The following FPR3 variants were observed in gnomAD, a reference collection of about 807,000 sequenced individuals.
FPR3 encodes the protein N-formyl peptide receptor 3.
For synonymous variants in FPR3, 135 were observed against 163.6 expected, an observed-to-expected ratio of 0.83 and a Z score of 1.34; for missense variants, 346 against 443.2, an observed-to-expected ratio of 0.78 and a Z score of 1.97.
intron 1 of FPR3, among the ~76,000 whole-genome samples, chr19:51,812,098 T>C (rs1362759302): frequency 6.6e-6 from 1 of 152,208 alleles, no homozygotes; most frequent in Non-Finnish European, 1.5e-5. Context: ...TGGAGGTAGG[T>C]TGCTCTAAAA....
intron 1 of FPR3, among the ~76,000 whole-genome samples, chr19:51,807,949 A>C (rs1171619482): frequency 1.3e-5 from 2 of 152,230 alleles, no homozygotes; most frequent in African/African-American, 4.8e-5. Context: ...GATAGAAAGA[A>C]CCATTCTATT....
chr19:51,801,833 TACTC>T (rs1177114282), intron 1 of FPR3, among the ~76,000 whole-genome samples: 2 of 152,212 alleles, frequency 1.3e-5, no homozygotes, highest in Non-Finnish European at 2.9e-5. Context: ...TAAATTTACT[TACTC>T]TACTCCCATA....
At chr19:51,820,511 A>G (rs2084180585) in intron 1 of FPR3, among the ~76,000 whole-genome samples, 1 of 152,174 alleles carries the variant, frequency 6.6e-6, no homozygotes, top group African/African-American at 2.4e-5. Flanking sequence ...ACTAGGGTGG[A>G]TCCAAAATTT....
intron 1 of FPR3, among the ~76,000 whole-genome samples, chr19:51,818,846 T>C (rs1406549521): frequency 6.6e-6 from 1 of 152,172 alleles, no homozygotes; most frequent in Admixed American, 6.6e-5. Flanking sequence ...GTGGAAGCCA[T>C]AGAAGAGTGC....
At chr19:51,820,648 G>A (rs1000325392) in intron 1 of FPR3, among the ~76,000 whole-genome samples, 1 of 152,234 alleles carries the variant, frequency 6.6e-6, no homozygotes. Context: ...GATATTTGGA[G>A]AGTGGTAGAG....
rs1325750254 is a variant in FPR3, at chr19:51,795,510, T to C, written c.-11+179T>C. 2.0e-4 allele frequency among the ~76,000 whole-genome samples: 20 copies of C among 101,086 alleles called. 2 individuals are homozygous for C. The highest frequency in any genetic ancestry group is 6.7e-4 in the African/African-American group (17 of 25,300). 66.3% of individuals were successfully genotyped at this position (101,086 alleles called of 152,430 possible). A position where few individuals can be genotyped will look rare whatever the true frequency, so the allele number is the denominator to read the frequency against. On this transcript the variant is annotated intron_variant, in intron 1 of 1. Transcript: ENST00000339223. ...TACATGTTCCAGTAACATTCTTTTT[T>C]TTTTTTTTTTTTTTTTTTTTTTTGA...
rs115207513 is a variant in FPR3, at chr19:51,802,350, A to T, written c.-11+7019A>T. The stretch of plus-strand genomic sequence containing the variant: ...TGCAGAGGTAGAGGTACAGGCAATG[A>T]GAGGAGGGGGTCAGGGATATTTTTT... On this transcript the variant is annotated intron_variant, in intron 1 of 1. Transcript: ENST00000339223. 9.8e-3 allele frequency among the ~76,000 whole-genome samples: 1,486 copies of T among 152,282 alleles called. 26 individuals carry two copies. The highest frequency in any genetic ancestry group is 0.034 in the African/African-American group (1,416 of 41,550).
intron 1 of FPR3, among the ~76,000 whole-genome samples, chr19:51,820,467 A>G (rs1444349420): frequency 6.6e-6 from 1 of 152,220 alleles, no homozygotes; most frequent in Non-Finnish European, 1.5e-5. Context: ...TACAGGTATC[A>G]TCTCTGGTCC....
In FPR3 at chr19:51,824,700, C is replaced by T; in HGVS notation, c.952C>T (p.Pro318Ser). Residue 318 changes from proline to serine, a missense_variant, in exon 2 of 2, where the codon CCC becomes TCC. By Grantham distance (74) the Pro-to-Ser change is moderately conservative. Coordinates refer to ENST00000339223, the MANE Select transcript of FPR3 (RefSeq NM_002030.5). This position sits in a 1 kb window ranked among gnomAD's most constrained non-coding sequence, Gnocchi z 4.7. ...CCAAGAAAGACTGATTCGCTCTTTG[C>T]CCACTAGTTTGGAGAGGGCCCTGAC... ...NFQERLIRSL[P>S]TSLERALTEV... is the part of the protein sequence containing the mutation. The T allele has an allele frequency of 1.2e-6, 2 of 1,614,084 alleles. No individual in the cohort carries two copies. Among genetic ancestry groups the T allele is most frequent in the South Asian group, 1.1e-5 (1 of 91,080 alleles).
intron 1 of FPR3, among the ~76,000 whole-genome samples, chr19:51,795,683 T>G: frequency 6.6e-6 from 1 of 151,694 alleles, no homozygotes; most frequent in East Asian, 1.9e-4. Context: ...CTGGCTAATT[T>G]TTTGTATTTT....
intron 1 of FPR3, among the ~76,000 whole-genome samples, chr19:51,800,804 C>G (rs1195646301): frequency 2.0e-5 from 3 of 152,022 alleles, no homozygotes; most frequent in Non-Finnish European, 4.4e-5. Context: ...GAGTGCTACT[C>G]CATACCACTG....
intron 1 of FPR3, among the ~76,000 whole-genome samples, chr19:51,821,846 C>T (rs2084192362): frequency 6.6e-6 from 1 of 151,662 alleles, no homozygotes; most frequent in Non-Finnish European, 1.5e-5. Flanking sequence ...GTAATGATGG[C>T]TGCCCACAAT....
chr19:51,800,215 G>A (rs2084020475), intron 1 of FPR3, among the ~76,000 whole-genome samples: 1 of 152,190 alleles, frequency 6.6e-6, no homozygotes, highest in South Asian at 2.1e-4. Flanking sequence ...GCATTCCTTG[G>A]TGCTATCACT....
At position 51,823,626 on chromosome 19, in the gene FPR3, G is replaced by A. The variant is rs532792587; in HGVS notation, c.-10-113G>A. The A allele has an allele frequency of 1.0e-3, 807 of 795,840 alleles. 1 individual carries two copies. Among genetic ancestry groups the A allele is most frequent in the Non-Finnish European group, 1.4e-3 (697 of 505,424 alleles). 49.3% of individuals were successfully genotyped at this position (795,840 alleles called of 1,614,324 possible). On this transcript the variant is annotated intron_variant, in intron 1 of 1. Transcript: ENST00000339223. ...ATTTTATGTTATAACCATTCACAAG[G>A]CTCACTGGGGAGGGTCTGCTGGTAG...
chr19:51,805,406 G>T (rs1292810880), intron 1 of FPR3, among the ~76,000 whole-genome samples: 8 of 152,208 alleles, frequency 5.3e-5, no homozygotes, highest in Non-Finnish European at 5.9e-5. Context: ...ATTCTTGAGT[G>T]TGCCTATTTA....
intron 1 of FPR3, among the ~76,000 whole-genome samples, chr19:51,807,134 G>T (rs549618525): frequency 1.3e-5 from 2 of 152,170 alleles, no homozygotes; most frequent in Non-Finnish European, 1.5e-5. Flanking sequence ...AAGCGGTCAG[G>T]GGGCAGCTTG....
chr19:51,800,040 A>G (rs1453264279), intron 1 of FPR3, among the ~76,000 whole-genome samples: 1 of 152,222 alleles, frequency 6.6e-6, no homozygotes, highest in Non-Finnish European at 1.5e-5. Flanking sequence ...ACCATAGTGA[A>G]GTTGAAGAGG....
intron 1 of FPR3, among the ~76,000 whole-genome samples, chr19:51,814,253 T>G (rs1055493196): frequency 6.6e-6 from 1 of 152,156 alleles, no homozygotes; most frequent in African/African-American, 2.4e-5. Context: ...TGATGTTGCT[T>G]AAAATCTCAG....
intron 1 of FPR3, among the ~76,000 whole-genome samples, chr19:51,799,859 T>C (rs1326159957): frequency 6.6e-6 from 1 of 152,222 alleles, no homozygotes; most frequent in Non-Finnish European, 1.5e-5. Context: ...GCCTCGGTAG[T>C]GGTCCGGCCT....
Sources: allele counts gnomAD v4.1 joint callset (sites outside exome capture counted in the v4.1 genomes callset), GRCh38; gene constraint gnomAD v4.1.1; non-coding constraint Gnocchi (gnomAD v3.1); transcripts MANE v1.5; gene names NCBI Gene and HGNC (gene_info 2026-07-23, HGNC 2026-07-21).